EDA: variants seen among roughly 807,000 people sequenced by gnomAD.
The protein encoded by EDA is ectodysplasin-A.
Under a neutral mutation model 23.6 loss-of-function variants are expected in EDA, and 2 were observed. That is an observed-to-expected ratio of 0.08 (90% confidence interval 0.03 to 0.27). The LOEUF is 0.27. EDA is among the 10% of genes least tolerant of loss of function. The pLI, the probability that EDA is intolerant of heterozygous loss-of-function variation, is 1.00. For missense variants in EDA, 229 were observed against 324.2 expected (o/e 0.71, Z 2.26); for synonymous variants, 131 against 132.0 (o/e 0.99, Z 0.05).
intron 1 of EDA, among the ~76,000 whole-genome samples, chrX:69,692,093 A>G (rs1449760241): frequency 9.0e-6 from 1 of 111,146 alleles, no homozygotes; most frequent in Non-Finnish European, 1.9e-5. Context: ...TCATGTATGA[A>G]CTCGGTATTT....
At chrX:69,727,830 T>C (rs748575963) in intron 1 of EDA, among the ~76,000 whole-genome samples, 19 of 112,411 alleles carry the variant, frequency 1.7e-4, no homozygotes, top group African/African-American at 6.1e-4. Flanking sequence ...TTTGTGCTTT[T>C]GTCAGCTTAC....
At chrX:69,772,542 G>T (rs747759453) in intron 1 of EDA, among the ~76,000 whole-genome samples, 3 of 111,102 alleles carry the variant, frequency 2.7e-5, no homozygotes, top group Non-Finnish European at 3.8e-5. Flanking sequence ...TGTTTTACAG[G>T]TATATTGCAT....
chrX:69,918,606 C>T (rs1459932656), intron 1 of EDA, among the ~76,000 whole-genome samples: 2 of 112,203 alleles, frequency 1.8e-5, no homozygotes, highest in Non-Finnish European at 3.8e-5. Context: ...ACTCCTTTAG[C>T]AGTCAAGTGA....
chrX:69,792,170 C>T (rs185931452), intron 1 of EDA, among the ~76,000 whole-genome samples: 24 of 110,536 alleles, frequency 2.2e-4, no homozygotes, highest in Admixed American at 2.1e-3. Flanking sequence ...ATGCCTTTGC[C>T]TCCTCATAGC....
intron 1 of EDA, among the ~76,000 whole-genome samples, chrX:69,948,402 G>T (rs757638448): frequency 9.0e-6 from 1 of 111,525 alleles, no homozygotes; most frequent in East Asian, 2.8e-4. Context: ...CGTAATTTCA[G>T]TCATCCTCTG....
chrX:69,785,504 G>C (rs1397834233), intron 1 of EDA, among the ~76,000 whole-genome samples: 5 of 108,231 alleles, frequency 4.6e-5, no homozygotes, highest in Non-Finnish European at 9.7e-5. Context: ...TAGCATGAAG[G>C]GTTGTTGAAT....
intron 1 of EDA, among the ~76,000 whole-genome samples, chrX:69,750,172 C>A (rs761439808): frequency 4.7e-5 from 3 of 63,536 alleles, no homozygotes; most frequent in Admixed American, 4.2e-4. Context: ...CCCCCTCCCC[C>A]TCCCCCCACC....
chrX:69,918,872 T>A (rs999710417), intron 1 of EDA, among the ~76,000 whole-genome samples: 2 of 110,903 alleles, frequency 1.8e-5, no homozygotes, highest in Non-Finnish European at 3.8e-5. Context: ...CTAGCAGGAG[T>A]TAAAACTTGA....
At chrX:69,828,019 A>G (rs1043287496) in intron 1 of EDA, among the ~76,000 whole-genome samples, 5 of 110,937 alleles carry the variant, frequency 4.5e-5, no homozygotes, top group Admixed American at 9.6e-5. Context: ...CTCAGGGGTC[A>G]GGGGTCAGGG....
chrX:69,640,878 A>G (rs979523797), intron 1 of EDA, among the ~76,000 whole-genome samples: 2 of 111,227 alleles, frequency 1.8e-5, no homozygotes, highest in African/African-American at 6.5e-5. Flanking sequence ...CATATATTCT[A>G]ATTTGTCTTC....
At chrX:69,998,023 G>A (rs888657054) in intron 2 of EDA, among the ~76,000 whole-genome samples, 2 of 112,316 alleles carry the variant, frequency 1.8e-5, no homozygotes, top group African/African-American at 6.5e-5. Context: ...AGAGGGGTCA[G>A]AGTCCCCATA....
intron 1 of EDA, among the ~76,000 whole-genome samples, chrX:69,948,634 T>C (rs1362416721): frequency 1.8e-5 from 2 of 112,422 alleles, no homozygotes; most frequent in Non-Finnish European, 3.8e-5. Flanking sequence ...GCTTCTATTG[T>C]TGTCACACTG....
At chrX:69,893,386 C>T in intron 1 of EDA, among the ~76,000 whole-genome samples, 1 of 111,833 alleles carries the variant, frequency 8.9e-6, no homozygotes, top group Non-Finnish European at 1.9e-5. Context: ...AGGACATGAA[C>T]TTATCTTTTT....
At chrX:69,827,433 G>C (rs1008910810) in intron 1 of EDA, among the ~76,000 whole-genome samples, 1 of 110,730 alleles carries the variant, frequency 9.0e-6, no homozygotes, top group Admixed American at 9.7e-5. Context: ...TTCCCTTCTC[G>C]CTTCATTTCA....
intron 1 of EDA, among the ~76,000 whole-genome samples, chrX:69,819,645 A>G (rs1203187177): frequency 9.0e-6 from 1 of 111,552 alleles, no homozygotes; most frequent in African/African-American, 3.3e-5. Context: ...AAAGGAATAA[A>G]ATGCCTAGGA....
chrX:69,964,092 A>AT (rs987267679), intron 2 of EDA, among the ~76,000 whole-genome samples: 2 of 110,859 alleles, frequency 1.8e-5, no homozygotes, highest in African/African-American at 3.3e-5. Context: ...CCTTCTAGTT[A>AT]TTTTTTTCTC....
At chrX:69,937,690 G>A in intron 1 of EDA, 1 of 1,123,455 alleles carries the variant, frequency 8.9e-7, no homozygotes, top group Non-Finnish European at 1.2e-6. Flanking sequence ...ATAGAGTTCT[G>A]GGCATACATG....
intron 1 of EDA, among the ~76,000 whole-genome samples, chrX:69,812,120 G>A (rs1297001135): frequency 8.9e-6 from 1 of 112,225 alleles, no homozygotes; most frequent in African/African-American, 3.2e-5. Flanking sequence ...ATGAAAACAT[G>A]TTCAGTTTCT....
At chrX:69,791,469 G>A (rs2015402962) in intron 1 of EDA, among the ~76,000 whole-genome samples, 1 of 111,315 alleles carries the variant, frequency 9.0e-6, no homozygotes, top group Admixed American at 9.6e-5. Flanking sequence ...ATCCTAGGAA[G>A]CCTGGCTCCA....
Sources: gnomAD v4.1 joint callset for allele counts (sites outside exome capture counted in the v4.1 genomes callset) on GRCh38, gnomAD v4.1.1 for gene constraint, MANE v1.5 for transcripts, NCBI Gene and HGNC (gene_info 2026-07-23, HGNC 2026-07-21) for gene names.